Variants in PIK3R5 observed in about 807,000 individuals in gnomAD.
PIK3R5 encodes the protein phosphoinositide-3-kinase regulatory subunit 5.
Under a neutral mutation model 94.9 loss-of-function variants are expected in PIK3R5, and 32 were observed. The observed-to-expected ratio is 0.34, with a 90% CI of 0.25 to 0.45. The LOEUF (loss-of-function observed/expected upper bound fraction) is 0.45. PIK3R5 is among the 20% of genes least tolerant of loss of function. The probability of loss-of-function intolerance (pLI) is 1.00; values close to 1 mark genes in which losing one functional copy is unlikely to be tolerated. For synonymous variants in PIK3R5, 443 were observed against 479.4 expected (o/e 0.92, Z 0.99); for missense variants, 853 against 1,144.6 (o/e 0.75, Z 3.68).
At chr17:8,960,478 GCTCAGTGTC>G (rs1567676817) in intron 1 of PIK3R5, among the ~76,000 whole-genome samples, 1 of 152,222 alleles carries the variant, frequency 6.6e-6, no homozygotes, top group African/African-American at 2.4e-5. Flanking sequence ...TGCCTGTCTT[GCTCAGTGTC>G]CTCAGAGCTT....
rs373591842 is a variant in PIK3R5 at position 8,919,828 on chromosome 17, T to TTCCTCTCCTCTCCTC, written c.-13-8322_-13-8321insGAGGAGAGGAGAGGA. 1.3e-3 allele frequency among the ~76,000 whole-genome samples: 205 copies of TTCCTCTCCTCTCCTC among 151,908 alleles called. 1 individual carries two copies. The highest frequency in any genetic ancestry group is 4.5e-3 in the African/African-American group (185 of 41,458). ...TTCTCTGTTACCTATCAGAGTTTCCTTCCTCTCCTCTCCTTCTCTCTCTCT... is the reference window on the plus strand; with the variant it reads ...TTCTCTGTTACCTATCAGAGTTTCCTTCCTCTCCTCTCCTCTCCTCTCCTCTCCTTCTCTCTCTCT... On this transcript the variant is annotated intron_variant, in intron 1 of 18. Coordinates refer to ENST00000447110, the MANE Select transcript of PIK3R5 (RefSeq NM_001142633.3).
chr17:8,959,394 T>C (rs2091519453), intron 1 of PIK3R5, among the ~76,000 whole-genome samples: 1 of 147,824 alleles, frequency 6.8e-6, no homozygotes, highest in Non-Finnish European at 1.5e-5. Flanking sequence ...CTTAGAATTT[T>C]ATGCAAAACT....
intron 5 of PIK3R5, among the ~76,000 whole-genome samples, chr17:8,895,691 T>A (rs2039755657): frequency 6.6e-6 from 1 of 152,178 alleles, no homozygotes; most frequent in Admixed American, 6.5e-5. Flanking sequence ...CATTTTAGGA[T>A]TGTGCTACAG....
At chr17:8,944,073 T>A (rs1024799426) in intron 1 of PIK3R5, among the ~76,000 whole-genome samples, 1 of 152,180 alleles carries the variant, frequency 6.6e-6, no homozygotes, top group Non-Finnish European at 1.5e-5. Context: ...CCCCAGTGTC[T>A]GTTGGTCCTT....
Position 8,888,676 on chromosome 17 carries a change from GGGCCGGCCCCGA to G in PIK3R5, c.1099_1110del (p.Ser367_Ala370del). The G allele has an allele frequency of 6.2e-7, 1 of 1,613,948 alleles. No individual in the cohort carries two copies. Among genetic ancestry groups the G allele is most frequent in the Non-Finnish European group, 8.5e-7 (1 of 1,180,008 alleles). On this transcript the variant is annotated inframe_deletion, in exon 10 of 19. Coordinates refer to ENST00000447110, the MANE Select transcript of PIK3R5 (RefSeq NM_001142633.3). This position sits in a 1 kb window ranked among gnomAD's most constrained non-coding sequence, Gnocchi z 7.8. ...AAGGAAGTCAGCAGATGGCGCGAGA[GGGCCGGCCCCGA>G]GGCCTGGGAGGATGCAAGGGACAAG...
In PIK3R5 at chr17:8,893,821, G is replaced by C. The variant is rs1458603747; in HGVS notation, c.413-166C>G. On this transcript the variant is annotated intron_variant, in intron 5 of 18. Coordinates refer to ENST00000447110, the MANE Select transcript of PIK3R5 (RefSeq NM_001142633.3). This position sits in a 1 kb window ranked among gnomAD's most constrained non-coding sequence, Gnocchi z 5.1. ...TGTGGACCCTCCAGGGTGCCTAGCA[G>C]TTTGCTTCTATGCGTCCTTTTACAC... is the stretch of plus-strand genomic sequence containing the variant. 7 of 582,556 alleles carry C rather than the reference G, an allele frequency of 1.2e-5. No individual in the cohort carries two copies. Among genetic ancestry groups the C allele is most frequent in the Non-Finnish European group, 1.9e-5 (6 of 321,648 alleles). 36.1% of individuals were successfully genotyped at this position (582,556 alleles called of 1,614,324 possible). A position where few individuals can be genotyped will look rare whatever the true frequency, so the allele number is the denominator to read the frequency against.
At position 8,886,262 on chromosome 17, in the gene PIK3R5, G is replaced by A; in HGVS notation, c.2095C>T (p.His699Tyr). Residue 699 changes from histidine (H) to tyrosine (Y), a missense_variant, in exon 14 of 19, where the codon CAC (histidine) becomes TAC (tyrosine). By Grantham distance (83) the His-to-Tyr change is moderately conservative. Around this residue, in one of 6 missense-constraint regions of PIK3R5, gnomAD observed 173 missense variants for 274.1 expected, o/e 0.63. Transcript: ENST00000447110. Reference protein sequence around the residue: ...EIFIHSLELGHSAATRAIKAS... With the variant: ...EIFIHSLELGYSAATRAIKAS... ...TTGATGGCACGTGTGGCAGCGGAGTGACCCAGCTCCAAGGAGTGGATGAAG... is the reference window on the plus strand; with the variant it reads ...TTGATGGCACGTGTGGCAGCGGAGTAACCCAGCTCCAAGGAGTGGATGAAG... 2.5e-6 allele frequency: 4 copies of A among 1,613,552 alleles called. No individual in the cohort carries two copies. The highest frequency in any genetic ancestry group is 3.4e-6 in the Non-Finnish European group (4 of 1,179,936).
intron 1 of PIK3R5, among the ~76,000 whole-genome samples, chr17:8,914,669 C>T (rs1375819903): frequency 6.6e-6 from 1 of 152,196 alleles, no homozygotes; most frequent in African/African-American, 2.4e-5. Context: ...GGGTCACTAT[C>T]TACTCAGCCG....
intron 1 of PIK3R5, among the ~76,000 whole-genome samples, chr17:8,952,675 C>A (rs759549032): frequency 6.6e-6 from 1 of 152,148 alleles, no homozygotes; most frequent in Non-Finnish European, 1.5e-5. Context: ...CAATAAAGTA[C>A]CATGAGAATA....
intron 14 of PIK3R5, among the ~76,000 whole-genome samples, chr17:8,885,629 C>A (rs2089814833): frequency 9.3e-6 from 1 of 107,276 alleles, no homozygotes; most frequent in African/African-American, 3.9e-5. Flanking sequence ...CCCCCCATGG[C>A]CCCACCTCCT....
intron 5 of PIK3R5, among the ~76,000 whole-genome samples, chr17:8,901,354 C>A (rs557128662): frequency 1.8e-4 from 27 of 152,298 alleles, no homozygotes; most frequent in Non-Finnish European, 3.4e-4. Context: ...GGGGGTTGGC[C>A]ATCCCTAGCT....
At chr17:8,886,641 G>A in intron 12 of PIK3R5, 36 bp from the exon 13 acceptor site, 6 of 1,547,258 alleles carry the variant, frequency 3.9e-6, no homozygotes, top group Non-Finnish European at 5.2e-6. Context: ...AAGCCAGATG[G>A]GTGGGTGGAT....
chr17:8,964,565 G>T (rs2091630307), intron 1 of PIK3R5, among the ~76,000 whole-genome samples: 1 of 152,146 alleles, frequency 6.6e-6, no homozygotes, highest in African/African-American at 2.4e-5. Context: ...CCAAGCAACG[G>T]CTTCAGCATC....
At chr17:8,964,395 A>T (rs1200414859) in intron 1 of PIK3R5, among the ~76,000 whole-genome samples, 1 of 152,070 alleles carries the variant, frequency 6.6e-6, no homozygotes, top group Non-Finnish European at 1.5e-5. Context: ...TGTCTCAATA[A>T]TAATAATAAT....
chr17:8,935,985 C>T lies in PIK3R5; in HGVS notation c.-13-24478G>A, dbSNP rs186197903. ...AGGAGAATGGCGTGAACCCGGGAGG[C>T]GGAGATTGCAGTGAGCTGAGCTTGC... On this transcript the variant is annotated intron_variant, in intron 1 of 18. Coordinates refer to ENST00000447110, the MANE Select transcript of PIK3R5 (RefSeq NM_001142633.3). This position sits in a 1 kb window ranked among gnomAD's most constrained non-coding sequence, Gnocchi z 4.5. Among the ~76,000 whole-genome samples, 935 of 147,802 alleles carry T rather than the reference C, an allele frequency of 6.3e-3. 19 individuals carry two copies. The highest frequency in any genetic ancestry group is 0.02 in the African/African-American group (786 of 39,778).
At chr17:8,886,908 A>G (rs2089873246) in intron 12 of PIK3R5, among the ~76,000 whole-genome samples, 188 bp downstream of exon 12, 1 of 152,170 alleles carries the variant, frequency 6.6e-6, no homozygotes, top group Non-Finnish European at 1.5e-5. Context: ...CAGTGACCCC[A>G]GCTCTCACAC....
intron 5 of PIK3R5, among the ~76,000 whole-genome samples, chr17:8,899,177 C>G (rs1308667591): frequency 6.6e-6 from 1 of 152,224 alleles, no homozygotes. Context: ...CCTGCTACCT[C>G]CAGAATTGAG....
At chr17:8,951,360 C>T (rs1028223480) in intron 1 of PIK3R5, among the ~76,000 whole-genome samples, 5 of 152,270 alleles carry the variant, frequency 3.3e-5, no homozygotes, top group African/African-American at 7.2e-5. Context: ...AGAACTTTTT[C>T]GTCTTCCTAA....
chr17:8,893,524 G>A lies in PIK3R5; in HGVS notation c.482+62C>T. On this transcript the variant is annotated intron_variant, in intron 6 of 18. Transcript: ENST00000447110. The surrounding 1 kb of genome is among the most constrained non-coding windows in gnomAD (Gnocchi z 5.1). ...TTGAGTGGGGGAGGAGGGTGAAGGT[G>A]GAACAGTGCAGGGGTCCCAAACTCC... The A allele has an allele frequency of 7.6e-7, 1 of 1,307,726 alleles. No individual in the cohort carries two copies. The highest frequency in any genetic ancestry group is 1.1e-6 in the Non-Finnish European group (1 of 903,482). The allele number at this position is 1,307,726 out of a possible 1,614,324, so 81.0% of individuals were successfully genotyped here.
Sources: gnomAD v4.1 joint callset for allele counts (sites outside exome capture counted in the v4.1 genomes callset) on GRCh38, gnomAD v4.1.1 for gene constraint, gnomAD v4.1.1 regional missense constraint, Gnocchi (gnomAD v3.1) non-coding constraint, MANE v1.5 for transcripts, NCBI Gene and HGNC (gene_info 2026-07-23, HGNC 2026-07-21) for gene names.